KCNH5: variants seen among roughly 807,000 people sequenced by gnomAD.
KCNH5 encodes potassium voltage-gated channel subfamily H member 5.
Under a neutral mutation model 96.1 loss-of-function variants are expected in KCNH5, and 46 were observed. That is an observed-to-expected ratio of 0.48 (90% CI 0.38 to 0.61). KCNH5 has a LOEUF of 0.61. Among genes scored for constraint, KCNH5 ranks in the 20% least tolerant of loss-of-function variants. KCNH5 has a pLI of 0.00. For synonymous variants in KCNH5, 439 were observed against 449.8 expected, an observed-to-expected ratio of 0.98 and a Z score of 0.30; for missense variants, 907 against 1,225.8, an observed-to-expected ratio of 0.74 and a Z score of 3.88.
intron 7 of KCNH5, among the ~76,000 whole-genome samples, chr14:62,882,524 C>T (rs913468401): frequency 2.6e-5 from 4 of 152,168 alleles, no homozygotes; most frequent in East Asian, 1.9e-4. Context: ...GTCTTCACAA[C>T]GCTGAGGTTT....
chr14:62,992,433 A>G (rs538086413), intron 4 of KCNH5, among the ~76,000 whole-genome samples: 1 of 152,200 alleles, frequency 6.6e-6, no homozygotes, highest in Non-Finnish European at 1.5e-5. Flanking sequence ...ACTAACCTAC[A>G]TTCCCACCAA....
chr14:63,040,801 A>T (rs1891809163), intron 1 of KCNH5, among the ~76,000 whole-genome samples: 1 of 152,068 alleles, frequency 6.6e-6, no homozygotes, highest in Non-Finnish European at 1.5e-5. Context: ...GGACTTTTCT[A>T]CAAGTAAGAG....
intron 6 of KCNH5, among the ~76,000 whole-genome samples, chr14:62,974,381 C>G (rs929479191): frequency 2.0e-5 from 3 of 152,144 alleles, no homozygotes; most frequent in Non-Finnish European, 2.9e-5. Flanking sequence ...GCTCCCTGAA[C>G]CTCCCAAAGC....
chr14:62,747,984 A>G (rs993212993), intron 10 of KCNH5, among the ~76,000 whole-genome samples: 1 of 152,230 alleles, frequency 6.6e-6, no homozygotes, highest in African/African-American at 2.4e-5. Flanking sequence ...ATTGCTGTAT[A>G]TGAAATTCCT....
intron 6 of KCNH5, among the ~76,000 whole-genome samples, chr14:62,978,077 G>GA (rs1388813902): frequency 6.6e-5 from 10 of 152,222 alleles, no homozygotes; most frequent in African/African-American, 2.4e-4. Flanking sequence ...CAGGAGATCA[G>GA]AAAAGGCAGC....
chr14:62,862,150 T>C (rs1006444233), intron 7 of KCNH5, among the ~76,000 whole-genome samples: 6 of 152,224 alleles, frequency 3.9e-5, no homozygotes, highest in African/African-American at 1.4e-4. Context: ...ACTTTTTCTA[T>C]TTATCTATAA....
rs562982347 is a variant in KCNH5, at chr14:62,844,702, A to T, written c.1569+4951T>A. Among the ~76,000 whole-genome samples the T allele has an allele frequency of 1.7e-4, 26 of 152,336 alleles. No individual in the cohort carries two copies. The South Asian group carries it at 2.9e-3, about 17-fold the overall frequency. On this transcript the variant is annotated intron_variant, in intron 8 of 10. Coordinates refer to ENST00000322893, the MANE Select transcript of KCNH5 (RefSeq NM_139318.5). ...ATTGAACTAGGCACTGTTCTATATT[A>T]AAAAATATTGCCTAAAGCAAACTTT... is the stretch of plus-strand genomic sequence containing the variant.
At chr14:62,835,737 T>C (rs1887452159) in intron 8 of KCNH5, among the ~76,000 whole-genome samples, 1 of 152,000 alleles carries the variant, frequency 6.6e-6, no homozygotes, top group East Asian at 1.9e-4. Context: ...TCTTCTGATC[T>C]CCTATAAAAT....
chr14:62,852,043 C>T (rs1053102265), intron 7 of KCNH5, among the ~76,000 whole-genome samples: 8 of 152,068 alleles, frequency 5.3e-5, no homozygotes, highest in African/African-American at 7.2e-5. Context: ...ATAAAAATAT[C>T]CATTTTGTTC....
chr14:62,800,014 C>A lies in KCNH5; in HGVS notation c.1822+2315G>T, dbSNP rs559912896. Among the ~76,000 whole-genome samples, 3 of 151,062 alleles carry A rather than the reference C, an allele frequency of 2.0e-5. No individual in the cohort carries two copies. In the South Asian group the frequency reaches 6.3e-4, roughly 32 times the overall value. On this transcript the variant is annotated intron_variant, in intron 9 of 10. Transcript: ENST00000322893. ...AGAAGAAGAGGAAGAAGAGGAGAAT[C>A]AGGAAAACAGGTGCTGGTAAGTTAC...
intron 10 of KCNH5, among the ~76,000 whole-genome samples, chr14:62,720,751 A>G (rs1884794038): frequency 6.6e-6 from 1 of 152,218 alleles, no homozygotes; most frequent in Non-Finnish European, 1.5e-5. Flanking sequence ...AAAAACAACA[A>G]CAACAACACT....
chr14:62,995,641 C>T (rs1285255021), intron 4 of KCNH5, among the ~76,000 whole-genome samples: 1 of 152,100 alleles, frequency 6.6e-6, no homozygotes, highest in East Asian at 1.9e-4. Context: ...AGAAATCCTG[C>T]TGTGTTTCTC....
chr14:62,834,855 T>C (rs1165275620), intron 8 of KCNH5, among the ~76,000 whole-genome samples: 1 of 152,046 alleles, frequency 6.6e-6, no homozygotes, highest in African/African-American at 2.4e-5. Flanking sequence ...ATTTACATAC[T>C]GTCTATGGCT....
intron 7 of KCNH5, among the ~76,000 whole-genome samples, chr14:62,909,170 C>T (rs904707246): frequency 6.8e-5 from 10 of 147,148 alleles, no homozygotes; most frequent in South Asian, 2.2e-4. Context: ...CTCAGCCTCC[C>T]AAGTAGCTGG....
intron 7 of KCNH5, among the ~76,000 whole-genome samples, chr14:62,895,433 C>T (rs759615859): frequency 1.8e-4 from 27 of 151,796 alleles, no homozygotes; most frequent in East Asian, 3.9e-4. Context: ...CGAGTTCAAG[C>T]GATTCTCCTG....
chr14:62,742,395 T>C (rs536988359), intron 10 of KCNH5, among the ~76,000 whole-genome samples: 1 of 152,346 alleles, frequency 6.6e-6, no homozygotes, highest in African/African-American at 2.4e-5. Context: ...TGATTCTATG[T>C]CGATACCCCC....
chr14:62,945,276 A>G (rs1191889360), intron 7 of KCNH5, among the ~76,000 whole-genome samples: 1 of 152,118 alleles, frequency 6.6e-6, no homozygotes, highest in Non-Finnish European at 1.5e-5. Flanking sequence ...GGGGTTACCA[A>G]CTCAGCTAAA....
intron 8 of KCNH5, among the ~76,000 whole-genome samples, chr14:62,831,691 G>C (rs1379544892): frequency 6.6e-6 from 1 of 152,020 alleles, no homozygotes; most frequent in African/African-American, 2.4e-5. Flanking sequence ...TTCTTGTAAT[G>C]TGTTTTGATG....
chr14:63,028,610 C>CT (rs551391544), intron 1 of KCNH5, among the ~76,000 whole-genome samples: 81 of 151,832 alleles, frequency 5.3e-4, no homozygotes, highest in Middle Eastern at 3.4e-3. Context: ...AATTCTGTCT[C>CT]TTTTTTTTGC....
Sources: allele counts gnomAD v4.1 joint callset (sites outside exome capture counted in the v4.1 genomes callset), GRCh38; gene constraint gnomAD v4.1.1; transcripts MANE v1.5; gene names NCBI Gene and HGNC (gene_info 2026-07-23, HGNC 2026-07-21).